The following EARS2 variants were observed in gnomAD, a reference collection of about 807,000 sequenced individuals.
EARS2 encodes glutamyl-tRNA synthetase 2, mitochondrial.
Under a neutral mutation model 54.1 loss-of-function variants are expected in EARS2, and 50 were observed. That is an observed-to-expected ratio of 0.92 (90% confidence interval 0.74 to 1.17). The LOEUF is 1.17. Ranked by LOEUF, EARS2 falls within the 50% of genes most tolerant of loss-of-function variation. EARS2 has a pLI of 0.00. For missense variants in EARS2, 673 were observed against 675.0 expected (o/e 1.00, Z 0.03); for synonymous variants, 298 against 281.0 (o/e 1.06, Z -0.61).
intron 4 of EARS2, among the ~76,000 whole-genome samples, chr16:23,533,714 C>T (rs1489137017): frequency 2.0e-5 from 3 of 152,136 alleles, no homozygotes; most frequent in Non-Finnish European, 4.4e-5. Context: ...TGGTTGGGGT[C>T]TGAGCATATT....
chr16:23,534,908 T>G lies in EARS2; in HGVS notation c.938A>C (p.Asn313Thr), dbSNP rs1965387017. The change falls in exon 4 of 9, where the codon AAC becomes ACC. Residue 313 changes from asparagine to threonine, a missense_variant. By Grantham distance (65) the Asn-to-Thr change is moderately conservative (BLOSUM62 0). Around this residue, in one of 3 missense-constraint regions of EARS2, gnomAD observed 338 missense variants for 361.2 expected, o/e 0.94. Transcript: ENST00000449606. ...LPDSLLDIIT[N>T]CGSGFAENQM... The stretch of plus-strand genomic sequence containing the variant: ...CGTACCTGCAAAACCTGAGCCACAG[T>G]TGGTGATGATGTCCAACAAGGAATC... 1 of 1,582,254 alleles carries G rather than the reference T, an allele frequency of 6.3e-7. No homozygotes were observed. Among genetic ancestry groups the G allele is most frequent in the Non-Finnish European group, 8.6e-7 (1 of 1,161,118 alleles).
intron 3 of EARS2, among the ~76,000 whole-genome samples, chr16:23,541,222 G>A (rs1965506492): frequency 6.6e-6 from 1 of 151,870 alleles, no homozygotes; most frequent in East Asian, 1.9e-4. Context: ...AGCTACTCGG[G>A]AGGCTGAGGC....
rs902439971 is a variant in EARS2, at chr16:23,524,069, C to T, written c.*302G>A. On this transcript the variant is annotated 3_prime_UTR_variant, in exon 9 of 9. Transcript: ENST00000449606. ...GAAACCCAAGCCTTCTGCACTGTTCCGGGATGTTAACTTTTCTGTGAACTA... is the reference window on the plus strand; with the variant it reads ...GAAACCCAAGCCTTCTGCACTGTTCTGGGATGTTAACTTTTCTGTGAACTA... The T allele has an allele frequency of 1.7e-5, 7 of 416,186 alleles. No individual in the cohort carries two copies. The highest frequency in any genetic ancestry group is 8.1e-5 in the African/African-American group (4 of 49,286). The allele number at this position is 416,186 out of a possible 1,614,324, so 25.8% of individuals were successfully genotyped here.
At chr16:23,555,409 G>A (rs1965759765) in intron 1 of EARS2, among the ~76,000 whole-genome samples, 1 of 152,132 alleles carries the variant, frequency 6.6e-6, no homozygotes, top group African/African-American at 2.4e-5. Flanking sequence ...GATCACTTGA[G>A]CCCCGGAGGC....
Position 23,532,717 on chromosome 16 carries a change from A to C in EARS2, c.1007T>G (p.Leu336Arg). 6.2e-7 allele frequency: 1 copy of C among 1,614,098 alleles called. No homozygotes were observed. Among genetic ancestry groups the C allele is most frequent in the Non-Finnish European group, 8.5e-7 (1 of 1,180,000 alleles). ...GGCTGAGTGACAGGTGACCTGTGTC[A>C]GGTTGAACTGTGTGATCAGCTCCGG... is the stretch of plus-strand genomic sequence containing the variant. ...TLPELITQFN[L>R]TQVTCHSALL... Residue 336 changes from leucine (L) to arginine (R), a missense_variant, in exon 5 of 9, where the codon CTG becomes CGG. Leu to Arg is a moderately radical substitution (Grantham distance 102). Coordinates refer to ENST00000449606, the MANE Select transcript of EARS2 (RefSeq NM_001083614.2).
Position 23,525,295 on chromosome 16 carries a change from G to A in EARS2, c.1437C>T (p.Thr479=). ...GGAGTTTCATCACATTACTGTACTT[G>A]GTGCCTTCCAGACCTTCTGATAGCT... ...LKKLSEGLEG[T]KYSNVMKLLR... is the part of the protein sequence containing the mutation. The change falls in exon 8 of 9, where the codon ACC becomes ACT. Residue 479 remains threonine, a synonymous_variant. Transcript: ENST00000449606. The A allele has an allele frequency of 6.2e-7, 1 of 1,614,028 alleles. No individual in the cohort carries two copies. The highest frequency in any genetic ancestry group is 8.5e-7 in the Non-Finnish European group (1 of 1,180,014).
intron 2 of EARS2, chr16:23,546,379 T>C (rs1379759549): frequency 4.4e-6 from 2 of 455,918 alleles, no homozygotes; most frequent in Non-Finnish European, 8.8e-6. Flanking sequence ...GGTTCAAACG[T>C]ACCAGCCAGC....
intron 2 of EARS2, among the ~76,000 whole-genome samples, chr16:23,545,644 T>C (rs554524036): frequency 6.6e-6 from 1 of 152,274 alleles, no homozygotes; most frequent in African/African-American, 2.4e-5. Flanking sequence ...AACCACTCAT[T>C]ACACTGCTGT....
chr16:23,535,541 C>T, intron 3 of EARS2, 181 bp from the exon 4 acceptor site: 1 of 610,900 alleles, frequency 1.6e-6, no homozygotes, highest in Non-Finnish European at 2.9e-6. Flanking sequence ...GTGTAGCAGA[C>T]ACTAATGTCT....
intron 3 of EARS2, among the ~76,000 whole-genome samples, chr16:23,543,114 C>CA: frequency 3.0e-5 from 2 of 65,610 alleles, no homozygotes; most frequent in South Asian, 5.5e-4. Context: ...GACTCTGTCT[C>CA]ACCAAAAAAA....
chr16:23,521,649 CT>C lies in EARS2; in HGVS notation c.*2721del. 9.1e-6 allele frequency: 4 copies of C among 440,862 alleles called. No homozygotes were observed. The highest frequency in any genetic ancestry group is 6.4e-5 in the South Asian group (4 of 62,872). 27.3% of individuals were successfully genotyped at this position (440,862 alleles called of 1,614,324 possible). ...TCCTGGCCTTTGACAAGCCTACCAC[CT>C]TTGCCTCACAAAGCATTAGGACGTA... is the stretch of plus-strand genomic sequence containing the variant. On this transcript the variant is annotated 3_prime_UTR_variant, in exon 9 of 9. Coordinates refer to ENST00000449606, the MANE Select transcript of EARS2 (RefSeq NM_001083614.2).
chr16:23,556,940 T>C, intron 1 of EARS2: 1 of 674,750 alleles, frequency 1.5e-6, no homozygotes, highest in East Asian at 2.9e-5. Flanking sequence ...GTTACACAGG[T>C]TGTCATCAAT....
Position 23,529,792 on chromosome 16 carries a change from C to T in EARS2, c.1173G>A (p.Arg391=), listed in dbSNP as rs762764818. The change falls in exon 6 of 9, where the codon AGG becomes AGA. Residue 391 remains arginine, a synonymous_variant. Transcript: ENST00000449606. The stretch of plus-strand genomic sequence containing the variant: ...CCACGTAGACTGGGTTGAGGACATC[C>T]CTGTTTTGCAGCTGGCAACCAAAGG... The part of the protein sequence containing the change: ...EEAFGCQLQN[R]DVLNPVYVER... 6.2e-7 allele frequency: 1 copy of T among 1,614,172 alleles called. No individual in the cohort carries two copies. The highest frequency in any genetic ancestry group is 8.5e-7 in the Non-Finnish European group (1 of 1,180,042).
Position 23,544,721 on chromosome 16 carries a change from A to T in EARS2, c.296-18T>A. ...CGGGATGCCTGGAACACAGGGAATA[A>T]TGACAGCTAAGGTGCACACAGCGCT... On this transcript the variant is annotated intron_variant, in intron 2 of 8. Transcript: ENST00000449606. 6.3e-7 allele frequency: 1 copy of T among 1,587,170 alleles called. No homozygotes were observed. The highest frequency in any genetic ancestry group is 1.1e-5 in the South Asian group (1 of 88,068).
At chr16:23,539,592 G>A in intron 3 of EARS2, among the ~76,000 whole-genome samples, 1 of 152,050 alleles carries the variant, frequency 6.6e-6, no homozygotes, top group African/African-American at 2.4e-5. Flanking sequence ...ATGAGATGAT[G>A]TGTGTAACAT....
chr16:23,552,070 T>C, intron 2 of EARS2, 79 bp downstream of exon 2: 1 of 1,542,104 alleles, frequency 6.5e-7, no homozygotes, highest in Non-Finnish European at 8.8e-7. Flanking sequence ...CACTCAGAAC[T>C]CCATGAGAAG....
intron 3 of EARS2, among the ~76,000 whole-genome samples, chr16:23,543,012 G>A (rs1427086301): frequency 6.6e-6 from 1 of 151,334 alleles, no homozygotes; most frequent in Non-Finnish European, 1.5e-5. Context: ...CTACACAGGA[G>A]GCTGAGGCAC....
intron 2 of EARS2, among the ~76,000 whole-genome samples, chr16:23,551,778 GGGCGTGGT>G (rs1055434676): frequency 2.6e-5 from 4 of 151,862 alleles, no homozygotes; most frequent in Admixed American, 2.6e-4. Context: ...AAACTTAGCC[GGGCGTGGT>G]GGCGGGCGCC....
intron 2 of EARS2, among the ~76,000 whole-genome samples, chr16:23,551,717 A>G (rs994731191): frequency 2.6e-5 from 4 of 152,246 alleles, no homozygotes; most frequent in African/African-American, 4.8e-5. Context: ...CAGGAGGTCA[A>G]GATCATCCTT....
Sources: gnomAD v4.1 joint callset for allele counts (sites outside exome capture counted in the v4.1 genomes callset) on GRCh38, gnomAD v4.1.1 for gene constraint, gnomAD v4.1.1 regional missense constraint, MANE v1.5 for transcripts, NCBI Gene and HGNC (gene_info 2026-07-23, HGNC 2026-07-21) for gene names.